Variants in EIF4G3 observed in about 807,000 individuals in gnomAD.
EIF4G3 encodes the protein eIF-4-gamma 3.
A neutral mutation model predicts 186.4 loss-of-function variants in EIF4G3; 34 were observed. The observed-to-expected ratio is 0.18, with a 90% confidence interval of 0.14 to 0.24. EIF4G3 has a LOEUF of 0.24. EIF4G3 is among the 10% of genes least tolerant of loss of function. The probability of loss-of-function intolerance (pLI) is 1.00; values close to 1 mark genes in which losing one functional copy is unlikely to be tolerated. For missense variants in EIF4G3, 1,536 were observed against 1,948.5 expected, an observed-to-expected ratio of 0.79 and a Z score of 3.99; for synonymous variants, 673 against 679.5, an observed-to-expected ratio of 0.99 and a Z score of 0.15.
At chr1:20,859,040 G>A (rs146418894) in intron 24 of EIF4G3, among the ~76,000 whole-genome samples, 3 of 152,164 alleles carry the variant, frequency 2.0e-5, no homozygotes, top group African/African-American at 4.8e-5. Flanking sequence ...AAAGATCACC[G>A]AACTGTCTAT....
intron 3 of EIF4G3, among the ~76,000 whole-genome samples, chr1:21,058,735 T>C (rs1311305274): frequency 1.5e-5 from 2 of 133,118 alleles, no homozygotes; most frequent in African/African-American, 3.0e-5. Flanking sequence ...TTTTTTTTTT[T>C]TTTTTTTTTT....
In EIF4G3 at chr1:20,941,926, T is replaced by C. The variant is rs1328991192; in HGVS notation, c.1228A>G (p.Asn410Asp). 2 of 1,614,042 alleles carry C rather than the reference T, an allele frequency of 1.2e-6. No homozygotes were observed. Among genetic ancestry groups the C allele is most frequent in the African/African-American group, 2.7e-5 (2 of 74,926 alleles). ...PNDIPLVSST[N>D]LINEINGVSE... The stretch of plus-strand genomic sequence containing the variant: ...ACTCCATTTATTTCATTAATTAGGT[T>C]AGTACTAGAAACCAGTGGAATATCA... Residue 410 changes from asparagine (N) to aspartate (D), a missense_variant, in exon 14 of 37, where the codon AAC becomes GAC. Physicochemically the swap from Asn to Asp is conservative, Grantham distance 23. This residue lies in a region of EIF4G3 where 560 missense variants were observed against 547.8 expected (regional missense o/e 1.02). Transcript: ENST00000602326.
intron 2 of EIF4G3, among the ~76,000 whole-genome samples, chr1:21,170,679 A>C (rs968597098): frequency 6.6e-6 from 1 of 151,940 alleles, no homozygotes; most frequent in Non-Finnish European, 1.5e-5. Context: ...AAAAAAGTAC[A>C]AAACAATTAT....
At chr1:20,990,921 C>A (rs1415535826) in intron 7 of EIF4G3, among the ~76,000 whole-genome samples, 2 of 152,180 alleles carry the variant, frequency 1.3e-5, no homozygotes, top group African/African-American at 4.8e-5. Flanking sequence ...GTATATAGGT[C>A]AGCCTACTAG....
Position 20,819,099 on chromosome 1 carries a change from C to T in EIF4G3, c.4369-1561G>A, listed in dbSNP as rs146551820. The stretch of plus-strand genomic sequence containing the variant: ...ATTTTAGAAACATGGCTCAATATTA[C>T]AATTTTTCTGATTTAGTATTGGTTA... On this transcript the variant is annotated intron_variant, in intron 33 of 36. Coordinates refer to ENST00000602326, the MANE Select transcript of EIF4G3 (RefSeq NM_001391906.1). Among the ~76,000 whole-genome samples, 287 of 152,178 alleles carry T rather than the reference C, an allele frequency of 1.9e-3. 1 individual carries two copies. Among genetic ancestry groups the T allele is most frequent in the Non-Finnish European group, 3.1e-3 (208 of 68,016 alleles).
intron 34 of EIF4G3, among the ~76,000 whole-genome samples, chr1:20,815,757 T>A (rs1570938999): frequency 1.0e-5 from 1 of 100,138 alleles, no homozygotes. Flanking sequence ...GCCCGGCCAG[T>A]TGCCCCGTCC....
At chr1:21,088,020 C>A (rs1310134065) in intron 3 of EIF4G3, among the ~76,000 whole-genome samples, 1 of 151,530 alleles carries the variant, frequency 6.6e-6, no homozygotes, top group Non-Finnish European at 1.5e-5. Context: ...AACTTGAGGC[C>A]AGGAGTTCAA....
At chr1:20,959,767 A>G (rs1341048288) in intron 12 of EIF4G3, among the ~76,000 whole-genome samples, 1 of 152,032 alleles carries the variant, frequency 6.6e-6, no homozygotes, top group Non-Finnish European at 1.5e-5. Flanking sequence ...TGGCCTACAA[A>G]CAACATGAAA....
chr1:21,146,448 G>A (rs1390362011), intron 2 of EIF4G3, among the ~76,000 whole-genome samples: 1 of 152,090 alleles, frequency 6.6e-6, no homozygotes, highest in Non-Finnish European at 1.5e-5. Context: ...AAATCAGAAA[G>A]GCAATTTTAT....
At chr1:21,131,431 TA>T (rs1367514017) in intron 2 of EIF4G3, among the ~76,000 whole-genome samples, 1 of 130,466 alleles carries the variant, frequency 7.7e-6, no homozygotes, top group Non-Finnish European at 1.6e-5. Context: ...ATACTTGAGA[TA>T]ATGACCTAGA....
At chr1:21,105,471 C>T (rs1023877989) in intron 2 of EIF4G3, among the ~76,000 whole-genome samples, 1 of 151,360 alleles carries the variant, frequency 6.6e-6, no homozygotes, top group Non-Finnish European at 1.5e-5. Context: ...CAAACCCCCA[C>T]CATGACATGC....
At chr1:20,975,842 AT>A (rs1375935762) in intron 10 of EIF4G3, among the ~76,000 whole-genome samples, 1 of 152,082 alleles carries the variant, frequency 6.6e-6, no homozygotes, top group East Asian at 1.9e-4. Flanking sequence ...GTCCACCACT[AT>A]TTATTTTTTT....
chr1:21,111,133 G>A (rs554720163), intron 2 of EIF4G3, among the ~76,000 whole-genome samples: 3 of 152,082 alleles, frequency 2.0e-5, no homozygotes, highest in Non-Finnish European at 4.4e-5. Context: ...TAATTACATG[G>A]GCTATAAACT....
chr1:20,944,232 G>C (rs1277419171), intron 13 of EIF4G3, among the ~76,000 whole-genome samples: 1 of 151,916 alleles, frequency 6.6e-6, no homozygotes, highest in Non-Finnish European at 1.5e-5. Context: ...TTTAAAAATA[G>C]GGCAGGGTGT....
intron 21 of EIF4G3, 140 bp downstream of exon 21, chr1:20,864,976 A>T: frequency 1.0e-6 from 1 of 957,796 alleles, no homozygotes; most frequent in Non-Finnish European, 1.6e-6. Context: ...CCTAAACATT[A>T]ATATGTTGTT....
intron 14 of EIF4G3, among the ~76,000 whole-genome samples, chr1:20,917,033 T>C (rs565453201): frequency 6.6e-6 from 1 of 152,332 alleles, no homozygotes; most frequent in African/African-American, 2.4e-5. Flanking sequence ...TACAAAGACT[T>C]GTACATAGGT....
At chr1:20,939,839 G>A (rs1473069478) in intron 14 of EIF4G3, among the ~76,000 whole-genome samples, 1 of 138,786 alleles carries the variant, frequency 7.2e-6, no homozygotes, top group African/African-American at 2.6e-5. Flanking sequence ...CCAACACCAA[G>A]TTGTTTAGTT....
At chr1:21,058,446 G>T (rs2094681857) in intron 3 of EIF4G3, among the ~76,000 whole-genome samples, 1 of 152,028 alleles carries the variant, frequency 6.6e-6, no homozygotes, top group Non-Finnish European at 1.5e-5. Flanking sequence ...CCATATATTG[G>T]TATATTAAAA....
intron 2 of EIF4G3, among the ~76,000 whole-genome samples, chr1:21,122,193 C>T (rs531582391): frequency 3.0e-4 from 46 of 152,280 alleles, no homozygotes; most frequent in Non-Finnish European, 5.6e-4. Flanking sequence ...AACAATGACA[C>T]ATTTGAATTT....
Sources: gnomAD v4.1 joint callset for allele counts (sites outside exome capture counted in the v4.1 genomes callset) on GRCh38, gnomAD v4.1.1 for gene constraint, gnomAD v4.1.1 regional missense constraint, MANE v1.5 for transcripts, NCBI Gene and HGNC (gene_info 2026-07-23, HGNC 2026-07-21) for gene names.